Variants in NEGR1 observed in about 807,000 individuals in gnomAD.
The protein encoded by NEGR1 is IgLON family member 4.
NEGR1 carries 10 observed loss-of-function variants against 40.9 expected under a neutral mutation model. The ratio of observed to expected loss-of-function variants is 0.24; its 90% CI spans 0.15 to 0.42. The LOEUF (loss-of-function observed/expected upper bound fraction) is 0.42. NEGR1 is among the 10% of genes least tolerant of loss of function. NEGR1 has a pLI of 1.00. For synonymous variants in NEGR1, 185 were observed against 166.8 expected, an observed-to-expected ratio of 1.11 and a Z score of -0.84; for missense variants, 352 against 438.9, an observed-to-expected ratio of 0.80 and a Z score of 1.77.
chr1:71,826,629 T>C (rs1001061255), intron 2 of NEGR1, among the ~76,000 whole-genome samples: 1 of 151,872 alleles, frequency 6.6e-6, no homozygotes, highest in Non-Finnish European at 1.5e-5. Context: ...ATTCTTCCCC[T>C]TTTTTTCTGT....
At chr1:71,606,962 T>C (rs1358600852) in intron 5 of NEGR1, among the ~76,000 whole-genome samples, 1 of 152,214 alleles carries the variant, frequency 6.6e-6, no homozygotes, top group African/African-American at 2.4e-5. Flanking sequence ...TGTTTATCTG[T>C]ATGAAGAGCT....
chr1:71,832,243 T>C (rs1280605254), intron 2 of NEGR1, among the ~76,000 whole-genome samples: 2 of 151,944 alleles, frequency 1.3e-5, no homozygotes, highest in Non-Finnish European at 2.9e-5. Context: ...AGAATAGTGA[T>C]ACCGGTGACA....
intron 1 of NEGR1, among the ~76,000 whole-genome samples, chr1:71,951,247 C>G (rs1016036846): frequency 1.3e-5 from 2 of 151,894 alleles, no homozygotes; most frequent in African/African-American, 4.8e-5. Context: ...TAATGAGAAA[C>G]AGTTGCCTTT....
intron 1 of NEGR1, among the ~76,000 whole-genome samples, chr1:72,026,645 T>G (rs557104089): frequency 2.0e-5 from 3 of 152,074 alleles, no homozygotes; most frequent in South Asian, 2.1e-4. Context: ...TCTCCTGAAA[T>G]AGCCCTGGAA....
At chr1:71,602,155 AT>A (rs1046285097) in intron 5 of NEGR1, among the ~76,000 whole-genome samples, 5 of 150,750 alleles carry the variant, frequency 3.3e-5, no homozygotes, top group African/African-American at 1.2e-4. Flanking sequence ...CTGATTTCAT[AT>A]CCTGCACACC....
chr1:72,219,590 TTGTC>T (rs1435406330), intron 1 of NEGR1, among the ~76,000 whole-genome samples: 2 of 152,062 alleles, frequency 1.3e-5, no homozygotes, highest in African/African-American at 4.8e-5. Flanking sequence ...TTTTAGAAAG[TTGTC>T]TGTCTATAAC....
chr1:71,588,544 G>A (rs980764152), intron 6 of NEGR1, among the ~76,000 whole-genome samples: 1 of 152,012 alleles, frequency 6.6e-6, no homozygotes, highest in Non-Finnish European at 1.5e-5. Flanking sequence ...CCACCATAAA[G>A]TTTGCTTTCT....
chr1:71,509,066 AC>A (rs1380241937), intron 6 of NEGR1, among the ~76,000 whole-genome samples: 5 of 152,186 alleles, frequency 3.3e-5, no homozygotes, highest in African/African-American at 1.2e-4. Flanking sequence ...GTAAAAGTGA[AC>A]CTTAGAAATT....
chr1:71,508,331 G>T (rs1340585722), intron 6 of NEGR1, among the ~76,000 whole-genome samples: 9 of 152,174 alleles, frequency 5.9e-5, no homozygotes. Context: ...GACCCCAGGA[G>T]GGAGGGAAAA....
rs1646259664 is a variant in NEGR1 at position 71,403,703 on chromosome 1, C to T, written c.*3743G>A. ...TTATTTCTTCCTTCTTTCTCTTAAGCTAATAGAGTTTTAAAATGAGTCAAA... is the reference window on the plus strand; with the variant it reads ...TTATTTCTTCCTTCTTTCTCTTAAGTTAATAGAGTTTTAAAATGAGTCAAA... On this transcript the variant is annotated 3_prime_UTR_variant, in exon 7 of 7. Coordinates refer to ENST00000357731, the MANE Select transcript of NEGR1 (RefSeq NM_173808.3). 2.9e-6 allele frequency: 1 copy of T among 340,706 alleles called. No homozygotes were observed. Among genetic ancestry groups the T allele is most frequent in the South Asian group, 1.5e-4 (1 of 6,626 alleles). 21.1% of individuals were successfully genotyped at this position (340,706 alleles called of 1,614,324 possible).
intron 1 of NEGR1, among the ~76,000 whole-genome samples, chr1:72,231,763 G>A (rs539394525): frequency 6.6e-6 from 1 of 151,736 alleles, no homozygotes; most frequent in Admixed American, 6.6e-5. Flanking sequence ...AGTGTAGATG[G>A]TGCTTACATA....
intron 1 of NEGR1, among the ~76,000 whole-genome samples, chr1:72,170,966 T>C (rs1651942200): frequency 6.6e-6 from 1 of 152,168 alleles, no homozygotes; most frequent in Non-Finnish European, 1.5e-5. Context: ...CAGTGCCCTC[T>C]TTTCCCCACT....
chr1:72,002,835 T>C (rs1646569630), intron 1 of NEGR1, among the ~76,000 whole-genome samples: 1 of 152,202 alleles, frequency 6.6e-6, no homozygotes, highest in Non-Finnish European at 1.5e-5. Context: ...CATGGATTCC[T>C]TAAATCAATG....
At chr1:71,979,191 C>T (rs1166993627) in intron 1 of NEGR1, among the ~76,000 whole-genome samples, 1 of 151,964 alleles carries the variant, frequency 6.6e-6, no homozygotes, top group African/African-American at 2.4e-5. Context: ...GAACAACAGA[C>T]CCTGGGGCCT....
At chr1:71,888,152 C>T (rs1402448104) in intron 2 of NEGR1, among the ~76,000 whole-genome samples, 2 of 151,838 alleles carry the variant, frequency 1.3e-5, no homozygotes, top group Admixed American at 1.3e-4. Context: ...TATTTTTTTT[C>T]TTCTAACCTA....
intron 2 of NEGR1, among the ~76,000 whole-genome samples, chr1:71,922,622 A>G (rs564557301): frequency 7.9e-5 from 12 of 152,308 alleles, no homozygotes; most frequent in African/African-American, 2.9e-4. Flanking sequence ...CTTAGTAAAG[A>G]TCACTTGGAA....
Position 71,597,052 on chromosome 1 carries a change from T to A in NEGR1, c.789-4084A>T, listed in dbSNP as rs116247680. Among the ~76,000 whole-genome samples the A allele has an allele frequency of 5.3e-3, 808 of 152,220 alleles. 6 individuals are homozygous for A. Among genetic ancestry groups the A allele is most frequent in the African/African-American group, 0.019 (769 of 41,530 alleles). ...AACCCTTGAATCATAAAAGTTTTAT[T>A]TACAAAGACAAGGAATGTTAATGTC... On this transcript the variant is annotated intron_variant, in intron 5 of 6. Coordinates refer to ENST00000357731, the MANE Select transcript of NEGR1 (RefSeq NM_173808.3).
At chr1:71,683,834 A>C (rs996138625) in intron 4 of NEGR1, among the ~76,000 whole-genome samples, 1 of 149,970 alleles carries the variant, frequency 6.7e-6, no homozygotes, top group Non-Finnish European at 1.5e-5. Context: ...TGAGGATTTA[A>C]ACTTTTATTA....
At chr1:72,062,567 G>T (rs1647195740) in intron 1 of NEGR1, among the ~76,000 whole-genome samples, 2 of 151,930 alleles carry the variant, frequency 1.3e-5, no homozygotes, top group African/African-American at 4.8e-5. Context: ...TGGTTAAAAA[G>T]AACTTTGAGG....
Sources: gnomAD v4.1 joint callset for allele counts (sites outside exome capture counted in the v4.1 genomes callset) on GRCh38, gnomAD v4.1.1 for gene constraint, MANE v1.5 for transcripts, NCBI Gene and HGNC (gene_info 2026-07-23, HGNC 2026-07-21) for gene names.